The following PRELID2 variants were observed in gnomAD, a reference collection of about 807,000 sequenced individuals.
The protein encoded by PRELID2 is PRELI domain containing 2, also known as PRELI domain-containing protein 2.
A neutral mutation model predicts 28.4 loss-of-function variants in PRELID2; 25 were observed. That is an observed-to-expected ratio of 0.88 (90% CI 0.64 to 1.23). The LOEUF (loss-of-function observed/expected upper bound fraction) is 1.23. Ranked by LOEUF, PRELID2 falls within the 50% of genes most tolerant of loss-of-function variation. The pLI is 0.00. For synonymous variants in PRELID2, 76 were observed against 71.6 expected, an observed-to-expected ratio of 1.06 and a Z score of -0.31; for missense variants, 201 against 214.4, an observed-to-expected ratio of 0.94 and a Z score of 0.39.
At chr5:145,599,083 G>C (rs1410096290) in intron 1 of PRELID2, among the ~76,000 whole-genome samples, 1 of 152,114 alleles carries the variant, frequency 6.6e-6, no homozygotes, top group East Asian at 1.9e-4. Context: ...GGGACCGAAA[G>C]AGCTGCGAAG....
At chr5:145,235,182 A>G in the PRELID2 span, among the ~76,000 whole-genome samples, 1 of 152,158 alleles carries the variant, frequency 6.6e-6, no homozygotes, top group East Asian at 1.9e-4. Context: ...GCATATATAT[A>G]TATACACAAG....
chr5:145,463,567 C>A, the PRELID2 span, among the ~76,000 whole-genome samples: 1 of 152,000 alleles, frequency 6.6e-6, no homozygotes, highest in Non-Finnish European at 1.5e-5. Context: ...CATTGTGTTC[C>A]CCTATGCAAC....
the PRELID2 span, among the ~76,000 whole-genome samples, chr5:145,340,695 A>G: frequency 6.6e-6 from 1 of 151,096 alleles, no homozygotes; most frequent in African/African-American, 2.4e-5. Context: ...TGAGCCGGGG[A>G]TGCAGATGAT....
the PRELID2 span, among the ~76,000 whole-genome samples, chr5:145,394,072 C>T: frequency 6.6e-6 from 1 of 152,060 alleles, no homozygotes; most frequent in Non-Finnish European, 1.5e-5. Flanking sequence ...CCAGCCATCC[C>T]ATTACTGGGT....
chr5:145,790,427 G>A (rs1160512351), intron 5 of PRELID2, among the ~76,000 whole-genome samples: 1 of 152,032 alleles, frequency 6.6e-6, no homozygotes, highest in Non-Finnish European at 1.5e-5. Context: ...ATCTAAAAAA[G>A]TTAAACTCAT....
At chr5:145,795,271 G>A (rs1426756734) in intron 5 of PRELID2, 1 of 152,090 alleles carries the variant, frequency 6.6e-6, no homozygotes, top group African/African-American at 2.4e-5. Flanking sequence ...TTGCAATAAT[G>A]TCTGAGTGAG....
the PRELID2 span, among the ~76,000 whole-genome samples, chr5:145,306,291 T>C: frequency 6.6e-6 from 1 of 152,214 alleles, no homozygotes; most frequent in Non-Finnish European, 1.5e-5. Context: ...CTTGTTTACA[T>C]TGGTAACTAG....
At chr5:145,424,728 C>T in the PRELID2 span, among the ~76,000 whole-genome samples, 33,121 of 152,136 alleles carry the variant, frequency 0.22, 3,844 homozygotes, top group South Asian at 0.32. Context: ...TGTTCCTATT[C>T]GGCCATCTTG....
intron 1 of PRELID2, among the ~76,000 whole-genome samples, chr5:145,688,515 T>C (rs1755081368): frequency 1.3e-5 from 2 of 152,104 alleles, no homozygotes; most frequent in African/African-American, 4.8e-5. Flanking sequence ...TCAAACAATA[T>C]ATGCCATCAG....
intron 1 of PRELID2, among the ~76,000 whole-genome samples, chr5:145,486,252 A>G (rs1752216471): frequency 6.6e-6 from 1 of 152,176 alleles, no homozygotes; most frequent in African/African-American, 2.4e-5. Context: ...CTATCACAGC[A>G]TTTACCACAC....
intron 6 of PRELID2, among the ~76,000 whole-genome samples, chr5:145,761,381 T>C (rs1011936079): frequency 2.6e-5 from 4 of 152,242 alleles, no homozygotes; most frequent in African/African-American, 9.6e-5. Context: ...GCTGGTATTT[T>C]AACTTCCTGT....
intron 1 of PRELID2, among the ~76,000 whole-genome samples, chr5:145,829,427 T>C (rs577264199): frequency 1.3e-5 from 2 of 152,198 alleles, no homozygotes; most frequent in African/African-American, 2.4e-5. Context: ...CAACAAATTA[T>C]TGTTGTTGTT....
chr5:145,790,944 A>T (rs1752348620), intron 5 of PRELID2, among the ~76,000 whole-genome samples: 1 of 150,762 alleles, frequency 6.6e-6, no homozygotes. Context: ...ACTCAAACAG[A>T]TATTTATATA....
chr5:145,287,130 C>T, the PRELID2 span, among the ~76,000 whole-genome samples: 2 of 152,128 alleles, frequency 1.3e-5, no homozygotes, highest in Non-Finnish European at 2.9e-5. Flanking sequence ...ATTGGGGATA[C>T]ATTCCAAGAC....
intron 4 of PRELID2, among the ~76,000 whole-genome samples, chr5:145,815,959 T>A (rs1754272201): frequency 6.6e-6 from 1 of 152,174 alleles, no homozygotes; most frequent in African/African-American, 2.4e-5. Flanking sequence ...CGTTTAACTT[T>A]TTGAGGATCT....
chr5:145,256,584 G>T, the PRELID2 span, among the ~76,000 whole-genome samples: 1 of 151,912 alleles, frequency 6.6e-6, no homozygotes, highest in Non-Finnish European at 1.5e-5. Context: ...CTCTTTGTGG[G>T]AGGGGACATT....
intron 1 of PRELID2, among the ~76,000 whole-genome samples, chr5:145,588,228 A>G (rs1408502470): frequency 6.6e-6 from 1 of 152,106 alleles, no homozygotes; most frequent in Non-Finnish European, 1.5e-5. Flanking sequence ...TATTTATCCT[A>G]TACATAGATA....
chr5:145,782,127 G>A (rs1339185636), intron 5 of PRELID2, among the ~76,000 whole-genome samples: 1 of 152,144 alleles, frequency 6.6e-6, no homozygotes, highest in East Asian at 1.9e-4. Context: ...TTTTGAAGAT[G>A]AGGACATTTT....
the PRELID2 span, among the ~76,000 whole-genome samples, chr5:145,306,263 A>G: frequency 6.6e-6 from 1 of 152,344 alleles, no homozygotes; most frequent in South Asian, 2.1e-4. Flanking sequence ...AATATAACTT[A>G]TGTGAAGTGT....
Sources: gnomAD v4.1 joint callset for allele counts (sites outside exome capture counted in the v4.1 genomes callset) on GRCh38, gnomAD v4.1.1 for gene constraint, MANE v1.5 for transcripts, NCBI Gene and HGNC (gene_info 2026-07-23, HGNC 2026-07-21) for gene names.